Variants in CCT8 observed in about 807,000 individuals in gnomAD.
CCT8 encodes chaperonin containing TCP1 subunit 8, also known as T-complex protein 1 subunit theta.
In CCT8, 10 loss-of-function variants were observed where a neutral mutation model predicts 65.7. The ratio of observed to expected loss-of-function variants is 0.15; its 90% CI spans 0.09 to 0.26. The LOEUF is 0.26. Ranked by LOEUF, CCT8 falls within the 10% of genes least tolerant of loss-of-function variation. The pLI is 1.00. For synonymous variants in CCT8, 199 were observed against 221.8 expected (o/e 0.90, Z 0.92); for missense variants, 568 against 669.1 (o/e 0.85, Z 1.67).
intron 11 of CCT8, 58 bp downstream of exon 11, chr21:29,062,070 T>G (rs905867453): frequency 1.1e-5 from 13 of 1,146,752 alleles, no homozygotes; most frequent in Non-Finnish European, 1.7e-5. Context: ...ACTGTACTTT[T>G]AAGACCATAC....
rs190745331 is a variant in CCT8, at chr21:29,067,511, T to C, written c.381+45A>G. 5.6e-6 allele frequency: 8 copies of C among 1,418,112 alleles called. No homozygotes were observed. The African/African-American group carries it at 7.4e-5, about 13-fold the overall frequency. The allele number at this position is 1,418,112 out of a possible 1,614,324, so 87.8% of individuals were successfully genotyped here. A position where few individuals can be genotyped will look rare whatever the true frequency, so the allele number is the denominator to read the frequency against. On this transcript the variant is annotated intron_variant, in intron 4 of 14. Transcript: ENST00000286788. ...AGTTTATGTTTTAAGCAGGTGTATA[T>C]GTAAGCAAAAATTTAGTAGGAGTAA...
rs758340333 is a variant in CCT8, at chr21:29,070,351, CA to C, written c.61-15del. The C allele has an allele frequency of 5.8e-6, 9 of 1,558,856 alleles. No individual in the cohort carries two copies. The African/African-American group carries it at 1.2e-4, about 21-fold the overall frequency. On this transcript the variant is annotated splice_polypyrimidine_tract_variant and intron_variant, in intron 1 of 14. Transcript: ENST00000286788. ...TCCTGAAAAGTGCTGTTAAAAAAAA[CA>C]AACAAAAAACCCCGCTAATTAGACA...
intron 14 of CCT8, chr21:29,059,731 T>C (rs2085542324): frequency 6.6e-6 from 1 of 152,218 alleles, no homozygotes; most frequent in African/African-American, 2.4e-5. Context: ...AAACTAAATA[T>C]CCAGTTCCAT....
chr21:29,059,382 T>C (rs2085538463), intron 14 of CCT8: 1 of 152,184 alleles, frequency 6.6e-6, no homozygotes, highest in South Asian at 2.1e-4. Flanking sequence ...TACCATAAGA[T>C]AAAGCAGACT....
chr21:29,071,270 C>T (rs1424177828), intron 1 of CCT8, among the ~76,000 whole-genome samples: 1 of 152,190 alleles, frequency 6.6e-6, no homozygotes, highest in Non-Finnish European at 1.5e-5. Flanking sequence ...TAGTGAATAT[C>T]ACACTGGACA....
At chr21:29,062,095 T>C (rs780807564) in intron 11 of CCT8, 33 bp downstream of exon 11, 2 of 1,429,970 alleles carry the variant, frequency 1.4e-6, no homozygotes, top group South Asian at 2.3e-5. Context: ...TACTCAGACC[T>C]TACAAACTAC....
intron 6 of CCT8, among the ~76,000 whole-genome samples, chr21:29,065,377 G>A (rs538614202): frequency 6.6e-6 from 1 of 152,312 alleles, no homozygotes; most frequent in African/African-American, 2.4e-5. Flanking sequence ...TAGCCATTCA[G>A]TTACCTAGTA....
In CCT8 at chr21:29,066,732, C is replaced by G. The variant is rs1334490207; in HGVS notation, c.608G>C (p.Arg203Thr). Residue 203 changes from arginine (R) to threonine (T), a missense_variant, in exon 6 of 15, where the codon AGA becomes ACA. Transcript: ENST00000286788. ...DSGHFNVDNIRVCKILGSGIS... is the reference protein window; with the variant it reads ...DSGHFNVDNITVCKILGSGIS... Reference sequence around the variant, plus strand: ...TCTACTTACCAGAATTTTACAAACTCTGATGTTATCAACATTGAAATGGCC... The same window carrying G: ...TCTACTTACCAGAATTTTACAAACTGTGATGTTATCAACATTGAAATGGCC... 1 of 1,606,960 alleles carries G rather than the reference C, an allele frequency of 6.2e-7. No individual in the cohort carries two copies. Among genetic ancestry groups the G allele is most frequent in the Non-Finnish European group, 8.5e-7 (1 of 1,176,254 alleles).
At chr21:29,068,315 G>A (rs1391580281) in intron 3 of CCT8, among the ~76,000 whole-genome samples, 1 of 151,984 alleles carries the variant, frequency 6.6e-6, no homozygotes, top group Non-Finnish European at 1.5e-5. Flanking sequence ...TTATTTTGAC[G>A]GTATCACCAC....
intron 4 of CCT8, 135 bp from the exon 5 acceptor site, chr21:29,067,206 T>C: frequency 1.6e-6 from 1 of 620,576 alleles, no homozygotes; most frequent in Non-Finnish European, 2.6e-6. Context: ...TAGTAGACTC[T>C]ACTAGTTATG....
Position 29,062,414 on chromosome 21 carries a change from G to A in CCT8, c.1010C>T (p.Thr337Ile), listed in dbSNP as rs764827078. 2 of 1,612,868 alleles carry A rather than the reference G, an allele frequency of 1.2e-6. No homozygotes were observed. The highest frequency in any genetic ancestry group is 1.1e-5 in the South Asian group (1 of 91,046). The change falls in exon 10 of 15, where the codon ACA (threonine) becomes ATA (isoleucine). Residue 337 changes from threonine (T) to isoleucine (I), a missense_variant and splice_region_variant. Coordinates refer to ENST00000286788, the MANE Select transcript of CCT8 (RefSeq NM_006585.4). ...TVGATALPRLTPPVLEEMGHC... is the reference protein window; with the variant it reads ...TVGATALPRLIPPVLEEMGHC... ...TCCCATTTCTTCAAGGACAGGAGGTGTCTGTAAGAAAGTGACTGTTGTAAT... is the reference window on the plus strand; with the variant it reads ...TCCCATTTCTTCAAGGACAGGAGGTATCTGTAAGAAAGTGACTGTTGTAAT...
intron 14 of CCT8, among the ~76,000 whole-genome samples, chr21:29,057,611 A>C (rs1297161876): frequency 6.8e-6 from 1 of 146,440 alleles, no homozygotes; most frequent in African/African-American, 2.5e-5. Flanking sequence ...AAAAACTAAA[A>C]ATATATATAT....
intron 7 of CCT8, among the ~76,000 whole-genome samples, 165 bp from the exon 8 acceptor site, chr21:29,063,695 T>C (rs533421113): frequency 1.3e-5 from 2 of 152,324 alleles, no homozygotes; most frequent in African/African-American, 4.8e-5. Flanking sequence ...AAATAGAAAC[T>C]CAGCTTGCTT....
chr21:29,063,606 C>T, intron 7 of CCT8, 76 bp from the exon 8 acceptor site: 1 of 1,449,772 alleles, frequency 6.9e-7, no homozygotes, highest in South Asian at 1.2e-5. Context: ...TAATAGTTGA[C>T]TGAAGAAATA....
chr21:29,072,102 G>C, intron 1 of CCT8: 1 of 625,452 alleles, frequency 1.6e-6, no homozygotes. Context: ...AAGAGGTCGG[G>C]GGAAACAGCC....
rs542432228 is a variant in CCT8 at position 29,070,190 on chromosome 21, G to A, written c.151+57C>T. 50 of 1,035,544 alleles carry A rather than the reference G, an allele frequency of 4.8e-5. No homozygotes were observed. In the South Asian group the frequency reaches 7.4e-4, roughly 15 times the overall value. 64.1% of individuals were successfully genotyped at this position (1,035,544 alleles called of 1,614,324 possible). A position where few individuals can be genotyped will look rare whatever the true frequency, so the allele number is the denominator to read the frequency against. ...CATCCTCAGAACAAGTCTGAAAGAA[G>A]ACGTAGTACACAATATTCTACTACT... On this transcript the variant is annotated intron_variant, in intron 2 of 14. Coordinates refer to ENST00000286788, the MANE Select transcript of CCT8 (RefSeq NM_006585.4).
At chr21:29,072,074 T>C (rs1027936006) in intron 1 of CCT8, 35 of 647,900 alleles carry the variant, frequency 5.4e-5, no homozygotes, top group Non-Finnish European at 9.1e-5. Flanking sequence ...TCCCTGAGCC[T>C]GGCATTTCCC....
chr21:29,059,262 T>A (rs903872909), intron 14 of CCT8, among the ~76,000 whole-genome samples: 1 of 152,256 alleles, frequency 6.6e-6, no homozygotes, highest in Non-Finnish European at 1.5e-5. Flanking sequence ...AGGTTCATTA[T>A]ACTATACACT....
intron 14 of CCT8, among the ~76,000 whole-genome samples, chr21:29,056,871 GGTCA>G: frequency 6.6e-6 from 1 of 152,154 alleles, no homozygotes; most frequent in South Asian, 2.1e-4. Flanking sequence ...GGTGTAAGTC[GGTCA>G]GTTTGGCACC....
Sources: gnomAD v4.1 joint callset for allele counts (sites outside exome capture counted in the v4.1 genomes callset) on GRCh38, gnomAD v4.1.1 for gene constraint, MANE v1.5 for transcripts, NCBI Gene and HGNC (gene_info 2026-07-23, HGNC 2026-07-21) for gene names.